ADGRD1: variants seen among roughly 807,000 people sequenced by gnomAD.
ADGRD1 encodes G-protein coupled receptor 133.
Under a neutral mutation model 113.4 loss-of-function variants are expected in ADGRD1, and 77 were observed. That is an observed-to-expected ratio of 0.68 (90% CI 0.57 to 0.82). The LOEUF is 0.82. Ranked by LOEUF, ADGRD1 falls within the 40% of genes least tolerant of loss-of-function variation. ADGRD1 has a pLI of 0.00. For missense variants in ADGRD1, 1,036 were observed against 1,139.1 expected (o/e 0.91, Z 1.30); for synonymous variants, 474 against 475.0 (o/e 1.00, Z 0.03).
intron 22 of ADGRD1, 30 bp downstream of exon 22, chr12:131,136,193 A>G (rs2280683): frequency 0.66 from 1,054,802 of 1,609,898 alleles, 348,826 homozygotes; most frequent in Middle Eastern, 0.73. Context: ...GCGGGGAGGC[A>G]GGGCCGCCAG....
chr12:130,958,704 C>T (rs2136467213), intron 2 of ADGRD1, among the ~76,000 whole-genome samples: 1 of 152,342 alleles, frequency 6.6e-6, no homozygotes, highest in Admixed American at 6.5e-5. Context: ...CAGGAGCGCT[C>T]ATGACGGGCA....
chr12:131,036,322 T>G (rs1881377925), intron 13 of ADGRD1, among the ~76,000 whole-genome samples: 1 of 151,450 alleles, frequency 6.6e-6, no homozygotes, highest in Admixed American at 6.6e-5. Context: ...CGGGTCTTAC[T>G]GCACTAGGTC....
rs1044442535 is a variant in ADGRD1, at chr12:131,057,564, C to T, written c.1474-19237C>T. ...CCTGTCTCCTAGTAGTCCTGGCCTGCGGCAGCCAACTCCAGTCTCTGCCCC... is the reference window on the plus strand; with the variant it reads ...CCTGTCTCCTAGTAGTCCTGGCCTGTGGCAGCCAACTCCAGTCTCTGCCCC... On this transcript the variant is annotated intron_variant, in intron 13 of 24. Transcript: ENST00000261654. The surrounding 1 kb of genome is among the most constrained non-coding windows in gnomAD (Gnocchi z 4.2). 2.0e-5 allele frequency among the ~76,000 whole-genome samples: 3 copies of T among 152,178 alleles called. No homozygotes were observed. Among genetic ancestry groups the T allele is most frequent in the South Asian group, 2.1e-4 (1 of 4,820 alleles).
At chr12:131,059,445 T>C (rs191406758) in intron 13 of ADGRD1, among the ~76,000 whole-genome samples, 70 of 152,346 alleles carry the variant, frequency 4.6e-4, no homozygotes, top group African/African-American at 1.6e-3. Flanking sequence ...CCTCCCAAAT[T>C]GCTGGGATTA....
rs145179238 is a variant in ADGRD1, at chr12:131,032,976, G to A, written c.1473+18636G>A. On this transcript the variant is annotated intron_variant, in intron 13 of 24. Coordinates refer to ENST00000261654, the MANE Select transcript of ADGRD1 (RefSeq NM_198827.5). ...CGCTTATTAGAGAAATCGCCACCCCGTCACAGAGGTGACGCTTATTAGAGA... is the reference window on the plus strand; with the variant it reads ...CGCTTATTAGAGAAATCGCCACCCCATCACAGAGGTGACGCTTATTAGAGA... 4.9e-5 allele frequency among the ~76,000 whole-genome samples: 6 copies of A among 123,350 alleles called. 1 individual carries two copies. Among genetic ancestry groups the A allele is most frequent in the Non-Finnish European group, 9.8e-5 (5 of 51,158 alleles). 80.9% of individuals were successfully genotyped at this position (123,350 alleles called of 152,430 possible).
Position 131,131,783 on chromosome 12 carries a change from A to C in ADGRD1, c.2234A>C (p.Asn745Thr). ...TRVISQISAD[N>T]YKIHGDPSAF... ...GTCATCTCACAGATCAGCGCCGACA[A>C]CTACAAGATCCATGGAGACCCCAGT... The change falls in exon 21 of 25, where the codon AAC becomes ACC. Residue 745 changes from asparagine (N) to threonine (T), a missense_variant. Transcript: ENST00000261654. 1 of 1,613,196 alleles carries C rather than the reference A, an allele frequency of 6.2e-7. No homozygotes were observed. Among genetic ancestry groups the C allele is most frequent in the South Asian group, 1.1e-5 (1 of 91,034 alleles).
intron 7 of ADGRD1, among the ~76,000 whole-genome samples, chr12:130,991,497 A>C (rs971096489): frequency 6.6e-6 from 1 of 152,150 alleles, no homozygotes; most frequent in African/African-American, 2.4e-5. Context: ...ACGTTAATAT[A>C]ATAGTGAGTG....
At chr12:130,980,107 CTCT>C (rs1872770333) in intron 4 of ADGRD1, among the ~76,000 whole-genome samples, 1 of 150,708 alleles carries the variant, frequency 6.6e-6, no homozygotes, top group African/African-American at 2.4e-5. Flanking sequence ...TTTGCGGTTC[CTCT>C]TTTTTTTTTT....
chr12:131,046,839 C>A (rs1333273910), intron 13 of ADGRD1, among the ~76,000 whole-genome samples: 1 of 132,714 alleles, frequency 7.5e-6, no homozygotes, highest in Non-Finnish European at 1.6e-5. Flanking sequence ...GTGCTCCCTC[C>A]CTGGTCAGTG....
At chr12:131,098,583 G>A (rs1461202493) in intron 15 of ADGRD1, among the ~76,000 whole-genome samples, 2 of 152,146 alleles carry the variant, frequency 1.3e-5, no homozygotes, top group Non-Finnish European at 2.9e-5. Flanking sequence ...GGCCAGTGGT[G>A]AGAAGCCAGC....
chr12:131,031,524 G>A (rs537946021), intron 13 of ADGRD1, among the ~76,000 whole-genome samples: 5 of 152,210 alleles, frequency 3.3e-5, no homozygotes, highest in Admixed American at 6.5e-5. Context: ...TCAGATTTGC[G>A]TTTGTCGGTG....
At chr12:131,138,350 C>A (rs768752984) in intron 24 of ADGRD1, 121 bp downstream of exon 24, 5 of 739,784 alleles carry the variant, frequency 6.8e-6, no homozygotes, top group Non-Finnish European at 9.3e-6. Flanking sequence ...GTCTTTGTCC[C>A]CCTCTCATGC....
intron 18 of ADGRD1, among the ~76,000 whole-genome samples, chr12:131,117,274 T>G (rs1372401346): frequency 6.6e-6 from 1 of 152,156 alleles, no homozygotes; most frequent in Admixed American, 6.5e-5. Flanking sequence ...TTAAACACAT[T>G]TAATTTGTCA....
intron 13 of ADGRD1, among the ~76,000 whole-genome samples, chr12:131,072,063 G>C (rs1045686829): frequency 6.6e-6 from 1 of 150,734 alleles, no homozygotes; most frequent in Non-Finnish European, 1.5e-5. Flanking sequence ...ACGCAATTCA[G>C]AGTACTTTCT....
At chr12:131,136,008 T>G in intron 21 of ADGRD1, 29 bp from the exon 22 acceptor site, 1 of 1,613,448 alleles carries the variant, frequency 6.2e-7, no homozygotes, top group South Asian at 1.1e-5. Context: ...CTCCTGCCAC[T>G]CAGGGTGACT....
At chr12:131,042,741 G>A (rs78773723) in intron 13 of ADGRD1, among the ~76,000 whole-genome samples, 4,005 of 152,324 alleles carry the variant, frequency 0.026, 174 homozygotes, top group African/African-American at 0.091. Flanking sequence ...CCGGCATGGC[G>A]TCTGCAACAC....
At chr12:130,982,174 C>A in intron 5 of ADGRD1, 111 bp downstream of exon 5, 2 of 888,792 alleles carry the variant, frequency 2.3e-6, no homozygotes, top group Non-Finnish European at 3.5e-6. Context: ...ATGCTGCTGC[C>A]TCCTGGCACC....
In ADGRD1 at chr12:131,036,574, C is replaced by T. The variant is rs545068351; in HGVS notation, c.1473+22234C>T. 1.3e-3 allele frequency among the ~76,000 whole-genome samples: 194 copies of T among 148,370 alleles called. 1 individual carries two copies. The highest frequency in any genetic ancestry group is 1.4e-3 in the Non-Finnish European group (93 of 67,180). ...GGGCCTCACTCACTGCATGGGGCCT[C>T]ACTCACTACACCAGGTCTCACTCAC... On this transcript the variant is annotated intron_variant, in intron 13 of 24. Coordinates refer to ENST00000261654, the MANE Select transcript of ADGRD1 (RefSeq NM_198827.5).
rs1471432722 is a variant in ADGRD1 at position 130,981,905 on chromosome 12, G to T, written c.332G>T (p.Trp111Leu). 3 of 1,610,664 alleles carry T rather than the reference G, an allele frequency of 1.9e-6. No individual in the cohort carries two copies. The highest frequency in any genetic ancestry group is 2.2e-5 in the East Asian group (1 of 44,860). ...TCAGGGGTCACGTTTTCTTTTTTCT[G>T]GAAGACACAAGGAGAACAGTCTAGA... ...GPEGVTFSFF[W>L]KTQGEQSRPI... The change falls in exon 5 of 25, where the codon TGG becomes TTG. Residue 111 changes from tryptophan to leucine, a missense_variant. Transcript: ENST00000261654.
Sources: allele counts gnomAD v4.1 joint callset (sites outside exome capture counted in the v4.1 genomes callset), GRCh38; gene constraint gnomAD v4.1.1; non-coding constraint Gnocchi (gnomAD v3.1); transcripts MANE v1.5; gene names NCBI Gene and HGNC (gene_info 2026-07-23, HGNC 2026-07-21).